Variants in PGAP1 observed in about 807,000 individuals in gnomAD.
PGAP1 encodes the protein GPI inositol-deacylase.
PGAP1 carries 76 observed loss-of-function variants against 127.0 expected under a neutral mutation model. The ratio of observed to expected loss-of-function variants is 0.60; its 90% CI spans 0.50 to 0.72. The LOEUF (loss-of-function observed/expected upper bound fraction) is 0.72. Ranked by LOEUF, PGAP1 falls within the 30% of genes least tolerant of loss-of-function variation. PGAP1 has a pLI of 0.00. For synonymous variants in PGAP1, 362 were observed against 366.5 expected (o/e 0.99, Z 0.14); for missense variants, 982 against 1,071.3 (o/e 0.92, Z 1.16).
chr2:196,851,477 C>G (rs958666250), intron 20 of PGAP1, among the ~76,000 whole-genome samples: 2 of 152,136 alleles, frequency 1.3e-5, no homozygotes, highest in African/African-American at 2.4e-5. Context: ...CTTCCTTTAC[C>G]TTCCTGAATA....
intron 16 of PGAP1, 117 bp from the exon 17 acceptor site, chr2:196,873,143 G>A: frequency 2.1e-6 from 1 of 470,902 alleles, no homozygotes; most frequent in Non-Finnish European, 3.8e-6. Context: ...AATCAGTACA[G>A]GTTATATTAC....
intron 10 of PGAP1, among the ~76,000 whole-genome samples, chr2:196,889,989 T>G (rs1173855941): frequency 6.6e-6 from 1 of 151,944 alleles, no homozygotes; most frequent in Non-Finnish European, 1.5e-5. Context: ...GCTGGAGCGC[T>G]AGTGGCGTGA....
At chr2:196,842,387 T>A (rs1700439163) in intron 26 of PGAP1, among the ~76,000 whole-genome samples, 1 of 152,294 alleles carries the variant, frequency 6.6e-6, no homozygotes. Flanking sequence ...TGAACCCTCA[T>A]GTAAGCATTA....
At position 196,865,001 on chromosome 2, in the gene PGAP1, G is replaced by A. The variant is rs142317521; in HGVS notation, c.1847C>T (p.Ser616Phe). ...ILLAYRGQLY[S>F]LFSTGCCLEY... Reference sequence around the variant, plus strand: ...AGCATTCTTACCTGTTGAGAAAAGAGAATATAACTGTCCTCTATAAGCAAG... The same window carrying A: ...AGCATTCTTACCTGTTGAGAAAAGAAAATATAACTGTCCTCTATAAGCAAG... The change falls in exon 20 of 27, where the codon TCT becomes TTT. Residue 616 changes from serine (S) to phenylalanine (F), a missense_variant. Physicochemically the swap from Ser to Phe is radical, Grantham distance 155 (BLOSUM62 -2). Coordinates refer to ENST00000354764, the MANE Select transcript of PGAP1 (RefSeq NM_024989.4). 7.1e-6 allele frequency: 11 copies of A among 1,542,596 alleles called. No homozygotes were observed. The highest frequency in any genetic ancestry group is 1.3e-5 in the South Asian group (1 of 78,120).
intron 1 of PGAP1, chr2:196,922,592 A>G (rs1576209586): frequency 8.5e-6 from 7 of 826,400 alleles, no homozygotes; most frequent in Non-Finnish European, 1.0e-5. Context: ...ACACACACAC[A>G]CACACACACA....
chr2:196,901,437 T>C (rs1559363859), intron 5 of PGAP1, among the ~76,000 whole-genome samples: 1 of 151,908 alleles, frequency 6.6e-6, no homozygotes, highest in South Asian at 2.1e-4. Flanking sequence ...AAAAAAGGAG[T>C]ATCTATGAAG....
chr2:196,898,355 A>G lies in PGAP1; in HGVS notation c.822T>C (p.Pro274=). 1 of 1,610,116 alleles carries G rather than the reference A, an allele frequency of 6.2e-7. No individual in the cohort carries two copies. The highest frequency in any genetic ancestry group is 8.5e-7 in the Non-Finnish European group (1 of 1,177,126). ...SALSVVSSAV[P]KTWVSTDHLS... ...GGTGGTCTGTTGAGACCCAGGTCTT[A>G]GGCACTGCTGAACTCTAAAAGAAAA... The change falls in exon 6 of 27, where the codon CCT becomes CCC. Residue 274 remains proline, a synonymous_variant. Coordinates refer to ENST00000354764, the MANE Select transcript of PGAP1 (RefSeq NM_024989.4).
intron 2 of PGAP1, among the ~76,000 whole-genome samples, chr2:196,918,203 G>A (rs1703077230): frequency 6.6e-6 from 1 of 152,080 alleles, no homozygotes. Context: ...AAAATTTAAT[G>A]TCTGACAATT....
Position 196,841,336 on chromosome 2 carries a change from A to T in PGAP1, c.2667T>A (p.Pro889=). ...LLKTTSQFPL[P]LAVGVIAFGS... ...CAAAAGCAATCACACCAACAGCCAG[A>T]GGAAGTGGAAATTGTGAAGTAGTCT... Residue 889 remains proline (P), a synonymous_variant, in exon 27 of 27, where the codon CCT becomes CCA. Coordinates refer to ENST00000354764, the MANE Select transcript of PGAP1 (RefSeq NM_024989.4). 6.2e-7 allele frequency: 1 copy of T among 1,613,780 alleles called. No individual in the cohort carries two copies. Among genetic ancestry groups the T allele is most frequent in the East Asian group, 2.2e-5 (1 of 44,852 alleles).
intron 23 of PGAP1, 41 bp downstream of exon 23, chr2:196,845,841 A>G (rs1423957746): frequency 6.4e-7 from 1 of 1,553,432 alleles, no homozygotes; most frequent in Admixed American, 1.7e-5. Flanking sequence ...TATGTGCCTA[A>G]TACAAAGCTC....
intron 25 of PGAP1, 145 bp downstream of exon 25, chr2:196,843,743 A>G (rs1700479358): frequency 9.3e-6 from 4 of 429,718 alleles, no homozygotes; most frequent in Non-Finnish European, 1.1e-5. Context: ...ATTAAAAATA[A>G]ATAAATAAAT....
intron 1 of PGAP1, among the ~76,000 whole-genome samples, chr2:196,926,146 G>A (rs1036407196): frequency 6.6e-6 from 1 of 152,090 alleles, no homozygotes; most frequent in African/African-American, 2.4e-5. Context: ...GGGGGGCTGG[G>A]CCCGGCCAGT....
intron 5 of PGAP1, among the ~76,000 whole-genome samples, chr2:196,901,750 A>G (rs1702498476): frequency 6.6e-6 from 1 of 152,214 alleles, no homozygotes; most frequent in African/African-American, 2.4e-5. Flanking sequence ...TACTTATACT[A>G]CTTATACTAT....
chr2:196,858,953 G>C (rs958571168), intron 20 of PGAP1, among the ~76,000 whole-genome samples: 4 of 152,082 alleles, frequency 2.6e-5, no homozygotes, highest in African/African-American at 7.2e-5. Context: ...AAATCTAGAA[G>C]AGACGGATAA....
chr2:196,876,635 A>T (rs1472899318), intron 13 of PGAP1, among the ~76,000 whole-genome samples: 1 of 152,138 alleles, frequency 6.6e-6, no homozygotes. Flanking sequence ...AGAAAAATTA[A>T]TCTGATGCAT....
intron 19 of PGAP1, among the ~76,000 whole-genome samples, chr2:196,868,930 A>G (rs1400818551): frequency 6.6e-6 from 1 of 152,228 alleles, no homozygotes; most frequent in Non-Finnish European, 1.5e-5. Context: ...AAGGAAGAAC[A>G]TCTTACGTCT....
chr2:196,898,845 T>C (rs566981615), intron 5 of PGAP1, among the ~76,000 whole-genome samples: 5 of 151,940 alleles, frequency 3.3e-5, no homozygotes, highest in African/African-American at 1.2e-4. Context: ...TAAGGAGAGT[T>C]TTCAAACCAA....
intron 10 of PGAP1, among the ~76,000 whole-genome samples, chr2:196,887,245 G>A (rs1308412705): frequency 3.3e-5 from 5 of 152,130 alleles, no homozygotes; most frequent in Middle Eastern, 3.4e-3. Flanking sequence ...TTAGCTGGGC[G>A]TGGTGGTGGG....
chr2:196,881,193 C>T (rs1383136972), intron 12 of PGAP1, among the ~76,000 whole-genome samples: 1 of 152,174 alleles, frequency 6.6e-6, no homozygotes, highest in African/African-American at 2.4e-5. Flanking sequence ...CTGCAAAGAA[C>T]ATGATCTCAT....
Sources: gnomAD v4.1 joint callset for allele counts (sites outside exome capture counted in the v4.1 genomes callset) on GRCh38, gnomAD v4.1.1 for gene constraint, MANE v1.5 for transcripts, NCBI Gene and HGNC (gene_info 2026-07-23, HGNC 2026-07-21) for gene names.